GRTP1: variants seen among roughly 807,000 people sequenced by gnomAD.
The protein encoded by GRTP1 is growth hormone-regulated TBC protein 1.
A neutral mutation model predicts 38.1 loss-of-function variants in GRTP1; 56 were observed. The observed-to-expected ratio is 1.47, with a 90% CI of 1.19 to 1.84. GRTP1 has a LOEUF of 1.84. GRTP1 is among the 40% of genes most tolerant of loss of function. The pLI is 0.00. For missense variants in GRTP1, 506 were observed against 453.9 expected, an observed-to-expected ratio of 1.11 and a Z score of -1.04; for synonymous variants, 217 against 189.5, an observed-to-expected ratio of 1.14 and a Z score of -1.19.
In GRTP1 at chr13:113,357,055, G is replaced by T. The variant is rs9604077; in HGVS notation, c.182-1574C>A. Among the ~76,000 whole-genome samples, 451 of 119,796 alleles carry T rather than the reference G, an allele frequency of 3.8e-3. 1 individual carries two copies. The highest frequency in any genetic ancestry group is 0.01 in the African/African-American group (327 of 31,916). The allele number at this position is 119,796 out of a possible 152,430, so 78.6% of individuals were successfully genotyped here. A position where few individuals can be genotyped will look rare whatever the true frequency, so the allele number is the denominator to read the frequency against. Reference sequence around the variant, plus strand: ...GGCCGGGCGCAGTGGCTCATGCCTGGAATCCCAGCACTTTGGGAGGCCAAG... The same window carrying T: ...GGCCGGGCGCAGTGGCTCATGCCTGTAATCCCAGCACTTTGGGAGGCCAAG... On this transcript the variant is annotated intron_variant, in intron 2 of 7. Coordinates refer to ENST00000375431, the MANE Select transcript of GRTP1 (RefSeq NM_024719.4).
At position 113,324,386 on chromosome 13, in the gene GRTP1, A is replaced by G; in HGVS notation, c.*102T>C. On this transcript the variant is annotated 3_prime_UTR_variant, in exon 8 of 8. Coordinates refer to ENST00000375431, the MANE Select transcript of GRTP1 (RefSeq NM_024719.4). ...CAACTAAAGTGTAGTGATGTCAAGT[A>G]TTTACAACACTAAAAAGGAAAGCAG... The G allele has an allele frequency of 7.1e-7, 1 of 1,401,536 alleles. No individual in the cohort carries two copies. Among genetic ancestry groups the G allele is most frequent in the African/African-American group, 1.5e-5 (1 of 67,852 alleles). 86.8% of individuals were successfully genotyped at this position (1,401,536 alleles called of 1,614,324 possible).
At position 113,343,379 on chromosome 13, in the gene GRTP1, C is replaced by T. The variant is rs980706544; in HGVS notation, c.562+1484G>A. ...GCCCCAGCCGGGTCAACAGCTCTTCCCACTCCCGGGAGCTCTGTGGGGTTC... is the reference window on the plus strand; with the variant it reads ...GCCCCAGCCGGGTCAACAGCTCTTCTCACTCCCGGGAGCTCTGTGGGGTTC... On this transcript the variant is annotated intron_variant, in intron 5 of 7. Coordinates refer to ENST00000375431, the MANE Select transcript of GRTP1 (RefSeq NM_024719.4). This position sits in a 1 kb window ranked among gnomAD's most constrained non-coding sequence, Gnocchi z 4.8. Among the ~76,000 whole-genome samples, 3 of 152,188 alleles carry T rather than the reference C, an allele frequency of 2.0e-5. No homozygotes were observed. Among genetic ancestry groups the T allele is most frequent in the African/African-American group, 7.2e-5 (3 of 41,444 alleles).
intron 2 of GRTP1, among the ~76,000 whole-genome samples, chr13:113,358,662 A>C (rs187639200): frequency 6.6e-6 from 1 of 152,354 alleles, no homozygotes; most frequent in Admixed American, 6.5e-5. Flanking sequence ...GACCCACACA[A>C]ACAGAACCAA....
chr13:113,326,377 T>TGGGGGGGGGGGGGGGGGGGGGGGGG (rs1298880217), intron 5 of GRTP1, among the ~76,000 whole-genome samples: 2 of 2,242 alleles, frequency 8.9e-4, no homozygotes, highest in Admixed American at 4.6e-3. Flanking sequence ...GGTGGCGCGG[T>TGGGGGGGGGGGGGGGGGGGGGGGGG]GGGGGGGGGG....
intron 4 of GRTP1, among the ~76,000 whole-genome samples, chr13:113,346,116 G>A (rs143180107): frequency 0.77 from 67,709 of 87,480 alleles, 27,498 homozygotes; most frequent in Middle Eastern, 0.91. Flanking sequence ...GAACAGACCC[G>A]GGAGGACCTC....
At chr13:113,352,351 A>T (rs9549394) in intron 3 of GRTP1, among the ~76,000 whole-genome samples, 18 of 99,350 alleles carry the variant, frequency 1.8e-4, no homozygotes, top group Non-Finnish European at 2.7e-4. Context: ...ATATATATTT[A>T]TATATATTTT....
At chr13:113,334,280 A>ACTGCCCCCCCCCCCCCCCCCCCCCCTCC (rs1202504022) in intron 5 of GRTP1, among the ~76,000 whole-genome samples, 1 of 142,484 alleles carries the variant, frequency 7.0e-6, no homozygotes, top group Non-Finnish European at 1.5e-5. Context: ...CACTGCCACG[A>ACTGCCCCCCCCCCCCCCCCCCCCCCTCC]CAGCCTCCCG....
At chr13:113,347,968 C>G (rs1331074958) in intron 4 of GRTP1, among the ~76,000 whole-genome samples, 1 of 151,390 alleles carries the variant, frequency 6.6e-6, no homozygotes, top group African/African-American at 2.4e-5. Context: ...GGGAGGACCT[C>G]TGTGGCCGAG....
chr13:113,332,206 C>T (rs968802948), intron 5 of GRTP1, among the ~76,000 whole-genome samples: 10 of 151,410 alleles, frequency 6.6e-5, no homozygotes, highest in Admixed American at 3.9e-4. Flanking sequence ...TTTGCTCCCC[C>T]GTCACCTCCC....
intron 4 of GRTP1, among the ~76,000 whole-genome samples, chr13:113,346,232 A>AT (rs1312582854): frequency 3.1e-5 from 4 of 128,492 alleles, no homozygotes; most frequent in African/African-American, 9.1e-5. Flanking sequence ...CTGAGAACAG[A>AT]CCCGGGAGGA....
chr13:113,338,831 G>A (rs1015993731), intron 5 of GRTP1, among the ~76,000 whole-genome samples: 2 of 151,866 alleles, frequency 1.3e-5, no homozygotes, highest in African/African-American at 4.8e-5. Flanking sequence ...TGGCCATTCC[G>A]GTCTCTATTT....
rs1246782352 is a variant in GRTP1, at chr13:113,352,252, A to ATTTATATATT, written c.341-1289_341-1280dup. 3.6e-4 allele frequency among the ~76,000 whole-genome samples: 44 copies of ATTTATATATT among 121,004 alleles called. No individual in the cohort carries two copies. The East Asian group carries it at 4.4e-3, about 12-fold the overall frequency. 79.4% of individuals were successfully genotyped at this position (121,004 alleles called of 152,430 possible). ...TATATTTATATATATATTTATATAT[A>ATTTATATATT]TTTATATATTTTTATATTTTTATAT... On this transcript the variant is annotated intron_variant, in intron 3 of 7. Transcript: ENST00000375431.
rs2043371022 is a variant in GRTP1 at position 113,355,552 on chromosome 13, A to G, written c.182-71T>C. ...TGCGGGGCCCACGCGTTCCTGCCAC[A>G]CTTTCCACTCTCACCAGTTCTCTTC... is the stretch of plus-strand genomic sequence containing the variant. On this transcript the variant is annotated intron_variant, in intron 2 of 7. Coordinates refer to ENST00000375431, the MANE Select transcript of GRTP1 (RefSeq NM_024719.4). 4 of 1,465,224 alleles carry G rather than the reference A, an allele frequency of 2.7e-6. No homozygotes were observed. In the Admixed American group the frequency reaches 9.7e-5, roughly 36 times the overall value. 90.8% of individuals were successfully genotyped at this position (1,465,224 alleles called of 1,614,324 possible).
chr13:113,351,063 C>G (rs1370489679), intron 3 of GRTP1, 90 bp from the exon 4 acceptor site: 8 of 1,550,746 alleles, frequency 5.2e-6, no homozygotes, highest in Non-Finnish European at 6.2e-6. Context: ...CACCTGGGTT[C>G]CACTTGGGAC....
intron 7 of GRTP1, chr13:113,325,382 C>G: frequency 7.0e-7 from 1 of 1,429,768 alleles, no homozygotes; most frequent in Non-Finnish European, 9.1e-7. Context: ...CCTCGGGAAG[C>G]CACACTTCTG....
At chr13:113,346,017 T>C (rs1354673400) in intron 4 of GRTP1, among the ~76,000 whole-genome samples, 13 of 86,864 alleles carry the variant, frequency 1.5e-4, no homozygotes, top group African/African-American at 5.6e-4. Flanking sequence ...CCTCTGCGGC[T>C]GAGCAGACCT....
chr13:113,351,480 A>T (rs2043264906), intron 3 of GRTP1, among the ~76,000 whole-genome samples: 1 of 152,238 alleles, frequency 6.6e-6, no homozygotes, highest in Admixed American at 6.5e-5. Flanking sequence ...CTGAGAGCTG[A>T]GAACTGAATA....
intron 5 of GRTP1, among the ~76,000 whole-genome samples, chr13:113,326,870 A>G (rs1211835109): frequency 1.3e-5 from 2 of 152,236 alleles, no homozygotes; most frequent in African/African-American, 4.8e-5. Flanking sequence ...GGAGGAAGTC[A>G]GGCCACAGCA....
chr13:113,345,997 C>CATCTGTGG, intron 4 of GRTP1, among the ~76,000 whole-genome samples: 1 of 147,444 alleles, frequency 6.8e-6, no homozygotes, highest in East Asian at 2.0e-4. Flanking sequence ...CGAGAGTGGA[C>CATCTGTGG]CCGAGAGGAC....
Sources: gnomAD v4.1 joint callset for allele counts (sites outside exome capture counted in the v4.1 genomes callset) on GRCh38, gnomAD v4.1.1 for gene constraint, Gnocchi (gnomAD v3.1) non-coding constraint, MANE v1.5 for transcripts, NCBI Gene and HGNC (gene_info 2026-07-23, HGNC 2026-07-21) for gene names.